Variants in TRAPPC12 observed in about 807,000 individuals in gnomAD.
The protein encoded by TRAPPC12 is trafficking protein particle complex subunit 12.
A neutral mutation model predicts 69.2 loss-of-function variants in TRAPPC12; 61 were observed. The observed-to-expected ratio is 0.88, with a 90% CI of 0.72 to 1.09. TRAPPC12 has a LOEUF of 1.09. TRAPPC12 is among the 50% of genes least tolerant of loss of function. The probability of loss-of-function intolerance (pLI) is 0.00; values close to 1 mark genes in which losing one functional copy is unlikely to be tolerated. For synonymous variants in TRAPPC12, 469 were observed against 438.9 expected (o/e 1.07, Z -0.86); for missense variants, 1,101 against 1,016.4 (o/e 1.08, Z -1.13).
At chr2:3,459,535 A>G (rs774367212) in intron 7 of TRAPPC12, among the ~76,000 whole-genome samples, 7 of 152,158 alleles carry the variant, frequency 4.6e-5, no homozygotes, top group South Asian at 2.1e-4. Context: ...TTTGGAAACT[A>G]CTAGAAGAGA....
intron 5 of TRAPPC12, among the ~76,000 whole-genome samples, chr2:3,432,114 G>T (rs1033688512): frequency 1.3e-5 from 2 of 152,222 alleles, no homozygotes; most frequent in Non-Finnish European, 2.9e-5. Context: ...CTTCCCGCTG[G>T]AAATAAAGCA....
chr2:3,411,935 A>T (rs566317865), intron 3 of TRAPPC12, among the ~76,000 whole-genome samples: 29 of 152,238 alleles, frequency 1.9e-4, no homozygotes, highest in East Asian at 3.9e-4. Flanking sequence ...ATCTTTTTTT[A>T]AAAAAATTCT....
chr2:3,443,975 T>G, intron 6 of TRAPPC12, 84 bp downstream of exon 6: 1 of 973,334 alleles, frequency 1.0e-6, no homozygotes, highest in Non-Finnish European at 1.6e-6. Context: ...TGCTGTTCCC[T>G]GCCCGTCCTG....
chr2:3,446,420 TGA>T (rs1048796213), intron 6 of TRAPPC12, among the ~76,000 whole-genome samples: 1 of 152,156 alleles, frequency 6.6e-6, no homozygotes, highest in Non-Finnish European at 1.5e-5. Context: ...GACACCCTCT[TGA>T]GAGAGAGAGC....
chr2:3,459,175 C>T (rs929570059), intron 7 of TRAPPC12, among the ~76,000 whole-genome samples: 13 of 152,208 alleles, frequency 8.5e-5, no homozygotes, highest in African/African-American at 2.7e-4. Flanking sequence ...CAGGGACACA[C>T]GGCTCCCAGT....
intron 5 of TRAPPC12, among the ~76,000 whole-genome samples, chr2:3,425,909 C>T (rs567034435): frequency 6.6e-6 from 1 of 152,286 alleles, no homozygotes; most frequent in African/African-American, 2.4e-5. Context: ...GAAGTAAAAA[C>T]AAATCTTTGA....
chr2:3,393,533 G>A (rs897271119), intron 2 of TRAPPC12, among the ~76,000 whole-genome samples: 1 of 152,038 alleles, frequency 6.6e-6, no homozygotes, highest in Non-Finnish European at 1.5e-5. Context: ...AGTAACTATG[G>A]GTAGTGACGG....
intron 2 of TRAPPC12, among the ~76,000 whole-genome samples, chr2:3,390,829 G>A (rs890438336): frequency 1.3e-5 from 2 of 152,156 alleles, no homozygotes; most frequent in African/African-American, 2.4e-5. Context: ...GACTGTGTGT[G>A]TAGGGGGACA....
chr2:3,393,127 T>C (rs1660919154), intron 2 of TRAPPC12, among the ~76,000 whole-genome samples: 1 of 151,620 alleles, frequency 6.6e-6, no homozygotes, highest in Middle Eastern at 3.2e-3. Flanking sequence ...AAAAAAAATG[T>C]TTTTAAAGAA....
chr2:3,471,399 T>C (rs995831940), intron 9 of TRAPPC12, among the ~76,000 whole-genome samples: 2 of 152,158 alleles, frequency 1.3e-5, no homozygotes, highest in Admixed American at 1.3e-4. Context: ...CATAGCCACG[T>C]TCCCTGCCAA....
chr2:3,427,606 G>T (rs1188031258), intron 5 of TRAPPC12, among the ~76,000 whole-genome samples: 4 of 152,220 alleles, frequency 2.6e-5, no homozygotes, highest in Non-Finnish European at 1.5e-5. Context: ...TATCCAGCTT[G>T]GCTGGGTACA....
At chr2:3,435,727 C>T (rs1187346612) in intron 5 of TRAPPC12, among the ~76,000 whole-genome samples, 1 of 152,206 alleles carries the variant, frequency 6.6e-6, no homozygotes, top group Admixed American at 6.5e-5. Context: ...TTTCCCTTAA[C>T]CCCCATTTAG....
chr2:3,388,866 G>A lies in TRAPPC12; in HGVS notation c.1047+196G>A, dbSNP rs575292526. 3.1e-5 allele frequency: 17 copies of A among 545,618 alleles called. No individual in the cohort carries two copies. The African/African-American group carries it at 3.3e-4, about 11-fold the overall frequency. The allele number at this position is 545,618 out of a possible 1,614,324, so 33.8% of individuals were successfully genotyped here. On this transcript the variant is annotated intron_variant, in intron 2 of 11. Transcript: ENST00000324266. ...GTTTCCCCAACAGAACATATTTAAT[G>A]GACTGCTACTCAGAGAGGTAGAAAT...
chr2:3,385,998 G>A (rs1171330037), intron 1 of TRAPPC12, among the ~76,000 whole-genome samples: 1 of 152,156 alleles, frequency 6.6e-6, no homozygotes, highest in East Asian at 1.9e-4. Flanking sequence ...CCTTTTCATT[G>A]GATTTTTTAT....
At chr2:3,401,648 C>CT in intron 2 of TRAPPC12, 129 bp from the exon 3 acceptor site, 1 of 513,392 alleles carries the variant, frequency 1.9e-6, no homozygotes, top group Admixed American at 3.4e-5. Flanking sequence ...TTTTACGATA[C>CT]TATAACCGTT....
chr2:3,421,801 C>A, intron 3 of TRAPPC12, 80 bp from the exon 4 acceptor site: 1 of 1,277,536 alleles, frequency 7.8e-7, no homozygotes, highest in Non-Finnish European at 1.1e-6. Context: ...GCAGCTGTGG[C>A]CAGTGGCTAT....
intron 3 of TRAPPC12, among the ~76,000 whole-genome samples, chr2:3,407,795 CAAAAAAAGA>C (rs961224084): frequency 1.5e-4 from 23 of 148,740 alleles, no homozygotes; most frequent in South Asian, 2.1e-4. Flanking sequence ...GACTCCGTTT[CAAAAAAAGA>C]AAAAAAAGAA....
At chr2:3,407,534 A>T (rs1661796175) in intron 3 of TRAPPC12, among the ~76,000 whole-genome samples, 1 of 152,204 alleles carries the variant, frequency 6.6e-6, no homozygotes, top group Non-Finnish European at 1.5e-5. Context: ...CATATTTCTG[A>T]CATCTATCAT....
chr2:3,405,848 C>T (rs1661700344), intron 3 of TRAPPC12, among the ~76,000 whole-genome samples: 1 of 152,198 alleles, frequency 6.6e-6, no homozygotes, highest in Non-Finnish European at 1.5e-5. Context: ...TGTCTTCAGA[C>T]ACAGACACAA....
Sources: allele counts gnomAD v4.1 joint callset (sites outside exome capture counted in the v4.1 genomes callset), GRCh38; gene constraint gnomAD v4.1.1; transcripts MANE v1.5; gene names NCBI Gene and HGNC (gene_info 2026-07-23, HGNC 2026-07-21).